The following ERMARD variants were observed in gnomAD, a reference collection of about 807,000 sequenced individuals.
The protein encoded by ERMARD is ER membrane associated RNA degradation.
ERMARD carries 71 observed loss-of-function variants against 83.9 expected under a neutral mutation model. The ratio of observed to expected loss-of-function variants is 0.85; its 90% CI spans 0.70 to 1.03. The LOEUF (loss-of-function observed/expected upper bound fraction) is 1.03. ERMARD is among the 50% of genes least tolerant of loss of function. ERMARD has a pLI of 0.00. For missense variants in ERMARD, 838 were observed against 810.9 expected, an observed-to-expected ratio of 1.03 and a Z score of -0.41; for synonymous variants, 284 against 298.6, an observed-to-expected ratio of 0.95 and a Z score of 0.50.
In ERMARD at chr6:169,754,028, G is replaced by A. The variant is rs187725532; in HGVS notation, c.171G>A (p.Glu57=). The part of the protein sequence containing the change: ...KTITDCVSYT[E]SEQGLDYWGS... The stretch of plus-strand genomic sequence containing the variant: ...TCACAGACTGTGTGAGCTACACAGA[G>A]TCAGGTTTGTGCTGTCTTTGTACTC... The change falls in exon 2 of 18, where the codon GAG becomes GAA. Residue 57 remains glutamate (E), a synonymous_variant. Transcript: ENST00000366773. 3 of 1,609,242 alleles carry A rather than the reference G, an allele frequency of 1.9e-6. No homozygotes were observed. The highest frequency in any genetic ancestry group is 2.5e-6 in the Non-Finnish European group (3 of 1,177,042).
chr6:169,751,589 A>C, upstream of ERMARD: 1 of 1,599,752 alleles, frequency 6.3e-7, no homozygotes, highest in Non-Finnish European at 8.5e-7. Flanking sequence ...CAGGGCTCCA[A>C]AGCGCCTGGA....
At chr6:169,758,561 T>G (rs1400375897) in intron 5 of ERMARD, among the ~76,000 whole-genome samples, 1 of 152,242 alleles carries the variant, frequency 6.6e-6, no homozygotes, top group Non-Finnish European at 1.5e-5. Context: ...ATGTTTCTGC[T>G]TATCATATCA....
At chr6:169,770,517 T>G (rs2128358140) in intron 12 of ERMARD, 1 of 152,384 alleles carries the variant, frequency 6.6e-6, no homozygotes. Context: ...CTAATTATTA[T>G]GCTGAAATGA....
At chr6:169,768,780 A>C (rs185804844) in intron 11 of ERMARD, among the ~76,000 whole-genome samples, 3 of 152,348 alleles carry the variant, frequency 2.0e-5, no homozygotes, top group South Asian at 2.1e-4. Flanking sequence ...TAAAAGCAAC[A>C]GTCAAATGTG....
intron 9 of ERMARD, among the ~76,000 whole-genome samples, chr6:169,763,926 T>C (rs1791870891): frequency 6.6e-6 from 1 of 152,288 alleles, no homozygotes; most frequent in South Asian, 2.1e-4. Flanking sequence ...TTATGTTCAC[T>C]AAATATCTTC....
chr6:169,762,535 A>G lies in ERMARD; in HGVS notation c.960+4A>G. On this transcript the variant is annotated splice_donor_region_variant and intron_variant, in intron 9 of 17. Coordinates refer to ENST00000366773, the MANE Select transcript of ERMARD (RefSeq NM_018341.3). ...AAAAAGACTCCTGACTGCTGAGGTA[A>G]GCTTGTTTTTATTATTGATTGTGAT... 1.2e-6 allele frequency: 2 copies of G among 1,609,912 alleles called. No homozygotes were observed. Among genetic ancestry groups the G allele is most frequent in the Non-Finnish European group, 1.7e-6 (2 of 1,177,440 alleles).
chr6:169,777,200 G>T (rs1312789637), intron 16 of ERMARD, among the ~76,000 whole-genome samples: 2 of 152,194 alleles, frequency 1.3e-5, no homozygotes, highest in African/African-American at 4.8e-5. Context: ...ATTTTACATA[G>T]GGCAGAGGAA....
At position 169,781,561 on chromosome 6, in the gene ERMARD, T is replaced by C. The variant is rs768296278; in HGVS notation, c.*48T>C. The C allele has an allele frequency of 6.6e-7, 1 of 1,522,814 alleles. No individual in the cohort carries two copies. The highest frequency in any genetic ancestry group is 8.8e-7 in the Non-Finnish European group (1 of 1,132,988). The allele number at this position is 1,522,814 out of a possible 1,614,324, so 94.3% of individuals were successfully genotyped here. ...TTAATTTTAACAGATTTTAACAGCG[T>C]GTAAATTAAAAACCCAAAGACAGGG... On this transcript the variant is annotated 3_prime_UTR_variant, in exon 18 of 18. Transcript: ENST00000366773.
intron 9 of ERMARD, among the ~76,000 whole-genome samples, chr6:169,765,698 C>T (rs752123323): frequency 1.1e-4 from 16 of 152,032 alleles, no homozygotes; most frequent in Non-Finnish European, 2.1e-4. Context: ...AGAATATTGG[C>T]AATATGAAAT....
chr6:169,759,017 G>T lies in ERMARD; in HGVS notation c.557G>T (p.Arg186Leu), dbSNP rs779208498. ...FVGSPCGLNL[R>L]NVLWHGFASP... ...GGCTCTCCGTGTGGTCTCAACCTGC[G>T]TAACGTCTTATGGCATGGGTTTGCG... Residue 186 changes from arginine to leucine, a missense_variant, in exon 6 of 18, where the codon CGT becomes CTT. Arg to Leu is a moderately radical substitution (Grantham distance 102, BLOSUM62 -2). Coordinates refer to ENST00000366773, the MANE Select transcript of ERMARD (RefSeq NM_018341.3). 8.1e-6 allele frequency: 13 copies of T among 1,614,076 alleles called. No homozygotes were observed. Among genetic ancestry groups the T allele is most frequent in the Non-Finnish European group, 1.0e-5 (12 of 1,180,016 alleles).
chr6:169,769,433 C>T, intron 11 of ERMARD, 107 bp from the exon 12 acceptor site: 5 of 1,045,806 alleles, frequency 4.8e-6, no homozygotes, highest in Non-Finnish European at 5.3e-6. Flanking sequence ...CCACCCAGGG[C>T]TTCAGAGGAC....
At position 169,756,373 on chromosome 6, in the gene ERMARD, AC is replaced by A; in HGVS notation, c.352del (p.Gln118AsnfsTer9). ...AAATATTTGATGCCTTGGAAAGTCT[AC>A]AATCTCCTGCTATTTCTCTTAGCTT... ...PEIFDALESL[Q>X]SPAISLSLMK... On this transcript the variant is annotated frameshift_variant, in exon 4 of 18. Coordinates refer to ENST00000366773, the MANE Select transcript of ERMARD (RefSeq NM_018341.3). LOFTEE classifies it high-confidence loss of function. 6.2e-7 allele frequency: 1 copy of A among 1,611,664 alleles called. No homozygotes were observed.
At position 169,751,779 on chromosome 6, in the gene ERMARD, G is replaced by A. The variant is rs17860630; in HGVS notation, c.6+116G>A. ...CGAGCACGCGCCTGCGGTGGCCGGC[G>A]GTCCCGCGCTGGAGGGCGCTGGCGA... On this transcript the variant is annotated intron_variant, in intron 1 of 17. Coordinates refer to ENST00000366773, the MANE Select transcript of ERMARD (RefSeq NM_018341.3). 5,310 of 1,382,578 alleles carry A rather than the reference G, an allele frequency of 3.8e-3. 17 individuals are homozygous for A. The highest frequency in any genetic ancestry group is 4.7e-3 in the Non-Finnish European group (5,016 of 1,059,244). 85.6% of individuals were successfully genotyped at this position (1,382,578 alleles called of 1,614,324 possible).
chr6:169,755,867 GGTCAGTT>G (rs753178757), intron 3 of ERMARD, among the ~76,000 whole-genome samples: 7 of 151,948 alleles, frequency 4.6e-5, no homozygotes, highest in Non-Finnish European at 1.0e-4. Context: ...TTGTTTTTTT[GGTCAGTT>G]TTTCTTCATT....
chr6:169,751,333 A>C (rs1378232285), upstream of ERMARD: 1 of 1,613,128 alleles, frequency 6.2e-7, no homozygotes, highest in Non-Finnish European at 8.5e-7. Context: ...CAGTCTCCGC[A>C]CTCACTGCCT....
At chr6:169,774,619 G>A (rs1345541179) in intron 13 of ERMARD, among the ~76,000 whole-genome samples, 1 of 152,168 alleles carries the variant, frequency 6.6e-6, no homozygotes, top group Non-Finnish European at 1.5e-5. Flanking sequence ...TGCATCCTGG[G>A]CTTCCGTTAT....
Position 169,754,033 on chromosome 6 carries a change from GT to G in ERMARD, c.175+4del. On this transcript the variant is annotated splice_donor_variant, in intron 2 of 17. Coordinates refer to ENST00000366773, the MANE Select transcript of ERMARD (RefSeq NM_018341.3). LOFTEE classifies it high-confidence loss of function. ...GACTGTGTGAGCTACACAGAGTCAGGTTTGTGCTGTCTTTGTACTCCAAACT... is the reference window on the plus strand; with the variant it reads ...GACTGTGTGAGCTACACAGAGTCAGGTTGTGCTGTCTTTGTACTCCAAACT... 6.2e-7 allele frequency: 1 copy of G among 1,606,044 alleles called. No individual in the cohort carries two copies. The highest frequency in any genetic ancestry group is 8.5e-7 in the Non-Finnish European group (1 of 1,175,074).
At chr6:169,762,298 C>T (rs1791647263) in intron 8 of ERMARD, 131 bp from the exon 9 acceptor site, 2 of 777,496 alleles carry the variant, frequency 2.6e-6, no homozygotes, top group Non-Finnish European at 4.2e-6. Context: ...TGGTCTTGAA[C>T]TCCTAGCCTC....
intron 13 of ERMARD, among the ~76,000 whole-genome samples, 180 bp downstream of exon 13, chr6:169,773,582 C>T (rs1490232805): frequency 6.6e-6 from 1 of 152,170 alleles, no homozygotes; most frequent in Non-Finnish European, 1.5e-5. Flanking sequence ...TCTTCTGAGT[C>T]TCAAGTTCCG....
Sources: gnomAD v4.1 joint callset for allele counts (sites outside exome capture counted in the v4.1 genomes callset) on GRCh38, gnomAD v4.1.1 for gene constraint, MANE v1.5 for transcripts, NCBI Gene and HGNC (gene_info 2026-07-23, HGNC 2026-07-21) for gene names.